Variants in FLT4 observed in about 807,000 individuals in gnomAD.
FLT4 encodes fms related receptor tyrosine kinase 4, also known as vascular endothelial growth factor receptor 3.
A neutral mutation model predicts 163.2 loss-of-function variants in FLT4; 30 were observed. That is an observed-to-expected ratio of 0.18 (90% CI 0.14 to 0.25). FLT4 has a LOEUF of 0.25. Ranked by LOEUF, FLT4 falls within the 10% of genes least tolerant of loss-of-function variation. The pLI is 1.00. For missense variants in FLT4, 1,510 were observed against 1,863.8 expected (o/e 0.81, Z 3.50); for synonymous variants, 884 against 789.5 (o/e 1.12, Z -2.01).
chr5:180,624,120 G>A lies in FLT4; in HGVS notation c.1422-59C>T, dbSNP rs544940558. The A allele has an allele frequency of 5.6e-6, 9 of 1,595,962 alleles. 1 individual carries two copies. The highest frequency in any genetic ancestry group is 3.3e-5 in the South Asian group (3 of 90,796). On this transcript the variant is annotated intron_variant, in intron 10 of 29. Coordinates refer to ENST00000261937, the MANE Select transcript of FLT4 (RefSeq NM_182925.5). ...GGATACAGGCAGGAAGGGCCCACAT[G>A]GGGGGCGGGGTCAAGCCCTTGTCAT...
rs1232567700 is a variant in FLT4, at chr5:180,636,947, T to C, written c.59-5169A>G. Reference sequence around the variant, plus strand: ...GCATGCATTCCAAACAGCACAACACTGGCAGCACAAGGCCCCCACAGGAGC... The same window carrying C: ...GCATGCATTCCAAACAGCACAACACCGGCAGCACAAGGCCCCCACAGGAGC... On this transcript the variant is annotated intron_variant, in intron 1 of 29. Coordinates refer to ENST00000261937, the MANE Select transcript of FLT4 (RefSeq NM_182925.5). The surrounding 1 kb of genome is among the most constrained non-coding windows in gnomAD (Gnocchi z 4.3). Among the ~76,000 whole-genome samples, 1 of 151,874 alleles carries C rather than the reference T, an allele frequency of 6.6e-6. No individual in the cohort carries two copies. Among genetic ancestry groups the C allele is most frequent in the Non-Finnish European group, 1.5e-5 (1 of 67,976 alleles).
chr5:180,620,622 CAGA>C lies in FLT4; in HGVS notation c.2390_2392del (p.Phe797del). ...AGGGACACTCACCCTCCTCATGTTACAGAAGATGAGGAGGAGGAGGACCCAGAA... is the reference window on the plus strand; with the variant it reads ...AGGGACACTCACCCTCCTCATGTTACAGATGAGGAGGAGGAGGACCCAGAA... On this transcript the variant is annotated inframe_deletion, in exon 16 of 30. Coordinates refer to ENST00000261937, the MANE Select transcript of FLT4 (RefSeq NM_182925.5). The surrounding 1 kb of genome is among the most constrained non-coding windows in gnomAD (Gnocchi z 4.4). 1.2e-6 allele frequency: 2 copies of C among 1,609,744 alleles called. No homozygotes were observed. Among genetic ancestry groups the C allele is most frequent in the Non-Finnish European group, 1.7e-6 (2 of 1,176,662 alleles).
intron 18 of FLT4, 83 bp downstream of exon 18, chr5:180,619,582 T>C (rs1762964749): frequency 2.6e-6 from 3 of 1,161,560 alleles, no homozygotes; most frequent in Admixed American, 1.7e-5. Flanking sequence ...CAGTCTCCCT[T>C]CCCGAGTTGC....
chr5:180,626,765 CCTT>C (rs1262419569), intron 8 of FLT4, among the ~76,000 whole-genome samples: 2 of 152,190 alleles, frequency 1.3e-5, no homozygotes, highest in African/African-American at 4.8e-5. Flanking sequence ...CAGTCTAGCT[CCTT>C]GACATGTGCG....
At chr5:180,637,428 T>A (rs1389606020) in intron 1 of FLT4, among the ~76,000 whole-genome samples, 63 of 152,008 alleles carry the variant, frequency 4.1e-4, no homozygotes, top group Non-Finnish European at 8.8e-5. Flanking sequence ...TCCTCTGACA[T>A]GCCTCCTGCC....
At chr5:180,626,838 C>G (rs1411629160) in intron 8 of FLT4, among the ~76,000 whole-genome samples, 2 of 152,236 alleles carry the variant, frequency 1.3e-5, no homozygotes, top group African/African-American at 4.8e-5. Context: ...GCCTGGCTCT[C>G]ACTGCCTGCC....
chr5:180,619,461 C>T (rs1176357688), intron 18 of FLT4, 95 bp from the exon 19 acceptor site: 11 of 995,706 alleles, frequency 1.1e-5, no homozygotes, highest in African/African-American at 1.9e-5. Flanking sequence ...TTACTAAGGG[C>T]CCCCAGGACA....
At position 180,620,473 on chromosome 5, in the gene FLT4, G is replaced by A. The variant is rs575203390; in HGVS notation, c.2406+136C>T. ...AACCTCTGCGGGGTTGGAGCCCAGC[G>A]TGAAGGGCAGGGAGGCTTCCCAGGA... is the stretch of plus-strand genomic sequence containing the variant. On this transcript the variant is annotated intron_variant, in intron 16 of 29. Transcript: ENST00000261937. The surrounding 1 kb of genome is among the most constrained non-coding windows in gnomAD (Gnocchi z 4.4). 67 of 1,195,600 alleles carry A rather than the reference G, an allele frequency of 5.6e-5. No individual in the cohort carries two copies. The highest frequency in any genetic ancestry group is 7.1e-5 in the Non-Finnish European group (58 of 813,418). 74.1% of individuals were successfully genotyped at this position (1,195,600 alleles called of 1,614,324 possible).
Position 180,620,131 on chromosome 5 carries a change from CGGGCAGGAGGTGTGGGTT to C in FLT4, c.2542+24_2542+41del. 6.3e-7 allele frequency: 1 copy of C among 1,584,660 alleles called. No homozygotes were observed. Among genetic ancestry groups the C allele is most frequent in the Admixed American group, 1.7e-5 (1 of 58,186 alleles). On this transcript the variant is annotated intron_variant, in intron 17 of 29. Coordinates refer to ENST00000261937, the MANE Select transcript of FLT4 (RefSeq NM_182925.5). The surrounding 1 kb of genome is among the most constrained non-coding windows in gnomAD (Gnocchi z 4.4). Reference sequence around the variant, plus strand: ...GCACTCCGGCCTGCAGCAGGTGGGTCGGGCAGGAGGTGTGGGTTGGGCAGGCTGGTGCTGGCCTCACCC... The same window carrying C: ...GCACTCCGGCCTGCAGCAGGTGGGTCGGGCAGGCTGGTGCTGGCCTCACCC...
intron 1 of FLT4, among the ~76,000 whole-genome samples, chr5:180,646,376 T>G (rs1765491557): frequency 6.6e-6 from 1 of 152,086 alleles, no homozygotes; most frequent in Non-Finnish European, 1.5e-5. Context: ...CTGCCGCATC[T>G]CCAGCCTCGT....
At position 180,609,685 on chromosome 5, in the gene FLT4, A is replaced by C. The variant is rs564787740; in HGVS notation, c.3807+220T>G. 4.1e-4 allele frequency: 222 copies of C among 544,288 alleles called. 4 individuals carry two copies. The highest frequency in any genetic ancestry group is 4.1e-3 in the South Asian group (212 of 52,168). 33.7% of individuals were successfully genotyped at this position (544,288 alleles called of 1,614,324 possible). On this transcript the variant is annotated intron_variant, in intron 28 of 29. Transcript: ENST00000261937. ...GGGTTTCTGCGCTGCTGAGGAGGGG[A>C]GGCCTCGTGTGGGGGTGACGAGGGC...
intron 12 of FLT4, among the ~76,000 whole-genome samples, chr5:180,622,417 T>A (rs1172366875): frequency 6.6e-6 from 1 of 151,318 alleles, no homozygotes; most frequent in African/African-American, 2.4e-5. Flanking sequence ...AGAGCAAAAT[T>A]CACACGAGTC....
At position 180,627,650 on chromosome 5, in the gene FLT4, G is replaced by C. The variant is rs553170556; in HGVS notation, c.1103+1232C>G. On this transcript the variant is annotated intron_variant, in intron 8 of 29. Transcript: ENST00000261937. ...AGGGTGGGTGGCTGCCATAGGAAGA[G>C]AGCCAGATGTGGCAGGAGTGAGCCA... 2.6e-5 allele frequency among the ~76,000 whole-genome samples: 4 copies of C among 152,234 alleles called. No homozygotes were observed. In the South Asian group the frequency reaches 6.2e-4, roughly 24 times the overall value.
At chr5:180,612,341 C>G in intron 26 of FLT4, 165 bp downstream of exon 26, 1 of 656,554 alleles carries the variant, frequency 1.5e-6, no homozygotes. Flanking sequence ...CAGAAAGATG[C>G]AAGGGTGTGG....
rs2127794683 is a variant in FLT4, at chr5:180,612,618, G to A, written c.3432-7C>T. 1 of 1,603,954 alleles carries A rather than the reference G, an allele frequency of 6.2e-7. No individual in the cohort carries two copies. The highest frequency in any genetic ancestry group is 8.5e-7 in the Non-Finnish European group (1 of 1,170,704). On this transcript the variant is annotated splice_region_variant and splice_polypyrimidine_tract_variant and intron_variant, in intron 25 of 29. Transcript: ENST00000261937. ...GTTCAGCATGATGCGGCGTCTGCAG[G>A]ATCACGTGGGCTGCTGGACTGCATG...
At chr5:180,645,555 C>A (rs1765449224) in intron 1 of FLT4, among the ~76,000 whole-genome samples, 1 of 152,208 alleles carries the variant, frequency 6.6e-6, no homozygotes, top group Non-Finnish European at 1.5e-5. Flanking sequence ...TTCCCATGAA[C>A]CCCTGCTGAC....
intron 29 of FLT4, among the ~76,000 whole-genome samples, chr5:180,603,773 G>A (rs1005167114): frequency 3.6e-4 from 55 of 152,186 alleles, no homozygotes; most frequent in Middle Eastern, 3.4e-3. Context: ...GCGTGGTGGC[G>A]GGCGCCTGTA....
chr5:180,634,472 G>A (rs2127846205), intron 1 of FLT4, among the ~76,000 whole-genome samples: 1 of 152,262 alleles, frequency 6.6e-6, no homozygotes, highest in East Asian at 1.9e-4. Flanking sequence ...GGAGGCTGAG[G>A]CGGGTGGGTC....
chr5:180,632,083 T>A (rs1764219255), intron 1 of FLT4, among the ~76,000 whole-genome samples: 1 of 152,148 alleles, frequency 6.6e-6, no homozygotes, highest in South Asian at 2.1e-4. Context: ...GCTGAGCGGC[T>A]GGCATGAAGG....
Sources: allele counts gnomAD v4.1 joint callset (sites outside exome capture counted in the v4.1 genomes callset), GRCh38; gene constraint gnomAD v4.1.1; non-coding constraint Gnocchi (gnomAD v3.1); transcripts MANE v1.5; gene names NCBI Gene and HGNC (gene_info 2026-07-23, HGNC 2026-07-21).